IRAK2: variants seen among roughly 807,000 people sequenced by gnomAD.
IRAK2 encodes interleukin-1 receptor-associated kinase-like 2.
A neutral mutation model predicts 72.0 loss-of-function variants in IRAK2; 57 were observed. The ratio of observed to expected loss-of-function variants is 0.79; its 90% CI spans 0.64 to 0.99. The LOEUF (loss-of-function observed/expected upper bound fraction) is 0.99. Ranked by LOEUF, IRAK2 falls within the 50% of genes least tolerant of loss-of-function variation. The pLI is 0.00. For missense variants in IRAK2, 790 were observed against 794.4 expected (o/e 0.99, Z 0.07); for synonymous variants, 293 against 312.7 (o/e 0.94, Z 0.67).
Position 10,242,195 on chromosome 3 carries a change from A to G in IRAK2, c.1845A>G (p.Glu615=), listed in dbSNP as rs778631941. The change falls in exon 13 of 13, where the codon GAA becomes GAG. Residue 615 remains glutamate, a synonymous_variant. Coordinates refer to ENST00000256458, the MANE Select transcript of IRAK2 (RefSeq NM_001570.4). ...LMENILLYKE[E]KVDSIELFGP is the part of the protein sequence containing the mutation. ...AGAATATTCTGCTCTACAAAGAGGAAAAAGTGGACAGCATTGAGCTCTTTG... is the reference window on the plus strand; with the variant it reads ...AGAATATTCTGCTCTACAAAGAGGAGAAAGTGGACAGCATTGAGCTCTTTG... The G allele has an allele frequency of 1.4e-5, 22 of 1,613,152 alleles. 1 individual carries two copies. The highest frequency in any genetic ancestry group is 1.6e-4 in the Middle Eastern group (1 of 6,082).
intron 10 of IRAK2, among the ~76,000 whole-genome samples, chr3:10,228,060 A>G (rs576960206): frequency 8.5e-5 from 13 of 152,182 alleles, no homozygotes; most frequent in African/African-American, 2.9e-4. Flanking sequence ...GGCAAGCTGA[A>G]GTGACTTGTC....
intron 8 of IRAK2, among the ~76,000 whole-genome samples, chr3:10,221,970 C>T (rs1697705164): frequency 6.6e-6 from 1 of 152,028 alleles, no homozygotes; most frequent in Non-Finnish European, 1.5e-5. Flanking sequence ...CTGGAGTGCA[C>T]CTCTGCTTCC....
At chr3:10,219,864 C>T in intron 8 of IRAK2, 75 bp downstream of exon 8, 1 of 933,116 alleles carries the variant, frequency 1.1e-6, no homozygotes, top group East Asian at 2.5e-5. Flanking sequence ...TGGCTCACCT[C>T]CCGCTCCGCC....
intron 10 of IRAK2, 64 bp from the exon 11 acceptor site, chr3:10,234,395 C>T (rs1697915165): frequency 4.4e-6 from 6 of 1,365,924 alleles, no homozygotes; most frequent in Non-Finnish European, 6.3e-6. Flanking sequence ...GTGAGTGGGG[C>T]GCGTGCGTTG....
chr3:10,183,970 T>C (rs1358456931), intron 2 of IRAK2, among the ~76,000 whole-genome samples: 1 of 152,192 alleles, frequency 6.6e-6, no homozygotes, highest in Non-Finnish European at 1.5e-5. Context: ...ACTGCCAGGC[T>C]GCCCCGGGCT....
At chr3:10,231,483 G>A (rs967979567) in intron 10 of IRAK2, among the ~76,000 whole-genome samples, 1 of 151,848 alleles carries the variant, frequency 6.6e-6, no homozygotes, top group Non-Finnish European at 1.5e-5. Flanking sequence ...AATAGAGATG[G>A]GGTTTTGCCA....
chr3:10,215,133 T>C (rs999907307), intron 6 of IRAK2, among the ~76,000 whole-genome samples: 1 of 151,854 alleles, frequency 6.6e-6, no homozygotes, highest in Non-Finnish European at 1.5e-5. Context: ...ACACCTGTAA[T>C]GCCAGCACTT....
chr3:10,226,489 A>G, intron 10 of IRAK2, 56 bp downstream of exon 10: 3 of 1,416,672 alleles, frequency 2.1e-6, no homozygotes, highest in Non-Finnish European at 3.0e-6. Flanking sequence ...ACAGCTCTGT[A>G]GAGAGGGCAA....
At chr3:10,168,100 T>C (rs1346191020) in intron 1 of IRAK2, among the ~76,000 whole-genome samples, 3 of 152,168 alleles carry the variant, frequency 2.0e-5, no homozygotes, top group Non-Finnish European at 4.4e-5. Flanking sequence ...TCTGGCTTTA[T>C]GTTTAACTAT....
rs117951009 is a variant in IRAK2 at position 10,239,768 on chromosome 3, G to A, written c.1765+729G>A. On this transcript the variant is annotated intron_variant, in intron 12 of 12. Transcript: ENST00000256458. ...AAAAACTCAATGCATGTCATCCCTC[G>A]TTCAAAGTCCTCAAGGCCCCATGTG... is the stretch of plus-strand genomic sequence containing the variant. 5.5e-3 allele frequency among the ~76,000 whole-genome samples: 836 copies of A among 152,096 alleles called. 12 individuals are homozygous for A. Among genetic ancestry groups the A allele is most frequent in the Admixed American group, 0.029 (440 of 15,268 alleles).
intron 12 of IRAK2, among the ~76,000 whole-genome samples, chr3:10,239,499 ACCCTG>A (rs1698018636): frequency 2.6e-5 from 4 of 151,818 alleles, no homozygotes; most frequent in African/African-American, 9.7e-5. Flanking sequence ...ACCTGAGGTC[ACCCTG>A]GCCAGATCAC....
intron 2 of IRAK2, among the ~76,000 whole-genome samples, chr3:10,199,463 G>A (rs1697320237): frequency 6.6e-6 from 1 of 152,182 alleles, no homozygotes; most frequent in Non-Finnish European, 1.5e-5. Flanking sequence ...AGCTGGGCCT[G>A]GGCCTGGTAC....
At chr3:10,170,891 C>A (rs994857983) in intron 1 of IRAK2, among the ~76,000 whole-genome samples, 6 of 152,212 alleles carry the variant, frequency 3.9e-5, no homozygotes, top group Non-Finnish European at 5.9e-5. Context: ...GCTGAATGAA[C>A]GAGTGACTGT....
At chr3:10,191,821 T>C (rs1188216119) in intron 2 of IRAK2, among the ~76,000 whole-genome samples, 1 of 152,204 alleles carries the variant, frequency 6.6e-6, no homozygotes, top group Non-Finnish European at 1.5e-5. Flanking sequence ...TTTATTTAAC[T>C]AGCTTAATGT....
rs1575993837 is a variant in IRAK2, at chr3:10,238,896, C to A, written c.1622C>A (p.Ser541Tyr). 6.2e-7 allele frequency: 1 copy of A among 1,614,162 alleles called. No homozygotes were observed. The highest frequency in any genetic ancestry group is 2.2e-5 in the East Asian group (1 of 44,866). Residue 541 changes from serine to tyrosine, a missense_variant, in exon 12 of 13, where the codon TCC (serine) becomes TAC (tyrosine). By Grantham distance (144) the Ser-to-Tyr change is moderately radical. Transcript: ENST00000256458. ...DVDNSSLDASSSMSVAPWAGA... is the reference protein window; with the variant it reads ...DVDNSSLDASYSMSVAPWAGA... The stretch of plus-strand genomic sequence containing the variant: ...GACAATTCCAGCCTTGATGCCTCCT[C>A]CTCCATGAGTGTGGCACCCTGGGCA...
At chr3:10,179,342 G>A (rs943603031) in intron 2 of IRAK2, among the ~76,000 whole-genome samples, 1 of 149,620 alleles carries the variant, frequency 6.7e-6, no homozygotes, top group Non-Finnish European at 1.5e-5. Flanking sequence ...CACGATCTTG[G>A]CTCACCACAA....
intron 2 of IRAK2, among the ~76,000 whole-genome samples, chr3:10,188,986 C>A (rs1697129284): frequency 6.6e-6 from 1 of 152,234 alleles, no homozygotes; most frequent in Non-Finnish European, 1.5e-5. Context: ...TGAGTGCCTA[C>A]TGTGCGCTAG....
At chr3:10,181,247 G>T (rs190831689) in intron 2 of IRAK2, among the ~76,000 whole-genome samples, 1 of 151,944 alleles carries the variant, frequency 6.6e-6, no homozygotes, top group Non-Finnish European at 1.5e-5. Context: ...AGCCGCTGCC[G>T]TTCCTCTCCT....
rs552304948 is a variant in IRAK2 at position 10,230,051 on chromosome 3, T to C, written c.1272+3618T>C. 7.2e-5 allele frequency among the ~76,000 whole-genome samples: 11 copies of C among 152,184 alleles called. No homozygotes were observed. In the Middle Eastern group the frequency reaches 0.024, roughly 329 times the overall value. ...GGAGGCAGAGTACAGTGAGTCGAGA[T>C]TGTGCCACAGCACTCCAGCCTGGGC... On this transcript the variant is annotated intron_variant, in intron 10 of 12. Coordinates refer to ENST00000256458, the MANE Select transcript of IRAK2 (RefSeq NM_001570.4).
Sources: allele counts gnomAD v4.1 joint callset (sites outside exome capture counted in the v4.1 genomes callset), GRCh38; gene constraint gnomAD v4.1.1; transcripts MANE v1.5; gene names NCBI Gene and HGNC (gene_info 2026-07-23, HGNC 2026-07-21).